TRAPPC11: variants seen among roughly 807,000 people sequenced by gnomAD.
TRAPPC11 encodes trafficking protein particle complex subunit 11.
Under a neutral mutation model 151.2 loss-of-function variants are expected in TRAPPC11, and 104 were observed. The observed-to-expected ratio is 0.69, with a 90% CI of 0.59 to 0.81. The LOEUF is 0.81. TRAPPC11 is among the 30% of genes least tolerant of loss of function. TRAPPC11 has a pLI of 0.00. For synonymous variants in TRAPPC11, 456 were observed against 472.3 expected (o/e 0.97, Z 0.45); for missense variants, 1,230 against 1,349.6 (o/e 0.91, Z 1.39).
intron 28 of TRAPPC11, among the ~76,000 whole-genome samples, chr4:183,707,817 AT>A (rs900335281): frequency 6.6e-6 from 1 of 152,060 alleles, no homozygotes; most frequent in Non-Finnish European, 1.5e-5. Flanking sequence ...GAGTGTCTTG[AT>A]TTTTTCCACG....
At chr4:183,667,027 A>G (rs1335686745) in intron 3 of TRAPPC11, 33 bp from the exon 4 acceptor site, 2 of 1,555,914 alleles carry the variant, frequency 1.3e-6, no homozygotes, top group Admixed American at 3.4e-5. Flanking sequence ...TTAAGTTAAA[A>G]TAATTAATTT....
chr4:183,697,783 G>A lies in TRAPPC11; in HGVS notation c.2799G>A (p.Gln933=). 2 of 1,613,894 alleles carry A rather than the reference G, an allele frequency of 1.2e-6. No homozygotes were observed. Among genetic ancestry groups the A allele is most frequent in the Non-Finnish European group, 1.7e-6 (2 of 1,179,996 alleles). The part of the protein sequence containing the change: ...WALTIVSSEL[Q]LAPSMTTVDQ... ...TCACTATTGTTTCCAGTGAGCTCCA[G>A]CTTGCTCCATCCATGACCACAGTGG... Residue 933 remains glutamine, a synonymous_variant, in exon 25 of 30, where the codon CAG becomes CAA. Coordinates refer to ENST00000334690, the MANE Select transcript of TRAPPC11 (RefSeq NM_021942.6).
At chr4:183,711,915 C>G (rs1737358937) in intron 29 of TRAPPC11, among the ~76,000 whole-genome samples, 1 of 152,092 alleles carries the variant, frequency 6.6e-6, no homozygotes, top group East Asian at 1.9e-4. Context: ...ATGTTGTTAA[C>G]CTGCCAGAAA....
intron 17 of TRAPPC11, 34 bp downstream of exon 17, chr4:183,685,437 G>A: frequency 6.3e-7 from 1 of 1,586,746 alleles, no homozygotes; most frequent in Non-Finnish European, 8.6e-7. Flanking sequence ...CTATTTCAGA[G>A]AAATTGTCTT....
intron 26 of TRAPPC11, among the ~76,000 whole-genome samples, chr4:183,704,026 G>A (rs891968159): frequency 3.9e-5 from 6 of 152,188 alleles, no homozygotes; most frequent in Non-Finnish European, 5.9e-5. Flanking sequence ...GTAAATCACT[G>A]CACTGTTCCT....
In TRAPPC11 at chr4:183,667,985, G is replaced by A; in HGVS notation, c.446-18G>A. On this transcript the variant is annotated intron_variant, in intron 4 of 29. Transcript: ENST00000334690. ...AGTTATTTTATTTCTCATTCATCTT[G>A]ATGGGGATTATCAACAGGAGAAGAT... The A allele has an allele frequency of 7.1e-7, 1 of 1,399,182 alleles. No individual in the cohort carries two copies. The highest frequency in any genetic ancestry group is 1.0e-6 in the Non-Finnish European group (1 of 986,106). The allele number at this position is 1,399,182 out of a possible 1,614,324, so 86.7% of individuals were successfully genotyped here.
chr4:183,704,685 C>T (rs1398340354), intron 26 of TRAPPC11, among the ~76,000 whole-genome samples: 5 of 151,808 alleles, frequency 3.3e-5, no homozygotes, highest in African/African-American at 9.7e-5. Flanking sequence ...TGGTGGCGGG[C>T]GCCTGTAGTT....
chr4:183,687,724 A>G (rs979171170), intron 18 of TRAPPC11, among the ~76,000 whole-genome samples: 6 of 152,198 alleles, frequency 3.9e-5, no homozygotes, highest in Non-Finnish European at 7.3e-5. Flanking sequence ...TTACTTCAAC[A>G]TTATTAGTTA....
chr4:183,701,608 G>T, intron 25 of TRAPPC11, 89 bp from the exon 26 acceptor site: 1 of 874,330 alleles, frequency 1.1e-6, no homozygotes, highest in Non-Finnish European at 1.9e-6. Context: ...TGGGTGAGGT[G>T]TTCTTTCTTT....
intron 1 of TRAPPC11, among the ~76,000 whole-genome samples, chr4:183,663,296 C>T (rs988974565): frequency 1.3e-5 from 2 of 151,938 alleles, no homozygotes; most frequent in East Asian, 3.9e-4. Flanking sequence ...TGCAGTGGCG[C>T]CATCTTGGCT....
At chr4:183,684,407 A>G (rs576995501) in intron 14 of TRAPPC11, 48 bp downstream of exon 14, 23 of 1,514,048 alleles carry the variant, frequency 1.5e-5, no homozygotes, top group East Asian at 2.3e-5. Flanking sequence ...GATTATCTGA[A>G]GTGAAACTGA....
intron 25 of TRAPPC11, among the ~76,000 whole-genome samples, chr4:183,699,833 G>T (rs1045661150): frequency 4.1e-5 from 6 of 144,700 alleles, no homozygotes; most frequent in African/African-American, 7.6e-5. Context: ...ATGTTAATTG[G>T]TTTTTTTTTT....
intron 5 of TRAPPC11, among the ~76,000 whole-genome samples, chr4:183,673,046 T>C (rs1735232546): frequency 6.7e-6 from 1 of 149,976 alleles, no homozygotes; most frequent in Non-Finnish European, 1.5e-5. Flanking sequence ...CATTGCAAGC[T>C]CCGTCTCCTG....
rs771526031 is a variant in TRAPPC11, at chr4:183,679,319, T to G, written c.832-34T>G. Reference sequence around the variant, plus strand: ...AATATGTCTTTTGACTTTCTTTTTTTCCTTTATTTTGGGATCAATTTTACA... The same window carrying G: ...AATATGTCTTTTGACTTTCTTTTTTGCCTTTATTTTGGGATCAATTTTACA... On this transcript the variant is annotated intron_variant, in intron 8 of 29. Coordinates refer to ENST00000334690, the MANE Select transcript of TRAPPC11 (RefSeq NM_021942.6). The G allele has an allele frequency of 3.9e-6, 6 of 1,521,478 alleles. No homozygotes were observed. The Admixed American group carries it at 7.0e-5, about 18-fold the overall frequency. The allele number at this position is 1,521,478 out of a possible 1,614,324, so 94.2% of individuals were successfully genotyped here.
rs774551949 is a variant in TRAPPC11, at chr4:183,684,771, T to C, written c.1497T>C (p.Ala499=). ...WTLLTSVLTT[A]LKCSYLMAQL... ...TGCTCACTTCTGTATTAACTACAGC[T>C]CTGAAGTGCTCCTACCTCATGGCCC... The change falls in exon 15 of 30, where the codon GCT becomes GCC. Residue 499 remains alanine (A), a synonymous_variant. Coordinates refer to ENST00000334690, the MANE Select transcript of TRAPPC11 (RefSeq NM_021942.6). 2 of 1,613,796 alleles carry C rather than the reference T, an allele frequency of 1.2e-6. No homozygotes were observed. Among genetic ancestry groups the C allele is most frequent in the Admixed American group, 3.3e-5 (2 of 60,028 alleles).
In TRAPPC11 at chr4:183,679,485, C is replaced by T. The variant is rs1483190866; in HGVS notation, c.964C>T (p.Gln322Ter). Reference protein sequence around the residue: ...SFEHDAWMSKQFQAFGDLFDE... With the variant: ...SFEHDAWMSK ...TGAGCATGATGCATGGATGTCTAAA[C>T]AGTATGTTTTACATTGTCCTTTTAG... Residue 322 changes from glutamine to a stop codon, truncating the protein, a stop_gained and splice_region_variant, in exon 9 of 30, where the codon CAA becomes TAA. Transcript: ENST00000334690. LOFTEE classifies it high-confidence loss of function. 1.9e-6 allele frequency: 3 copies of T among 1,602,846 alleles called. No individual in the cohort carries two copies. In the South Asian group the frequency reaches 3.4e-5, roughly 18 times the overall value.
Position 183,667,108 on chromosome 4 carries a change from G to A in TRAPPC11, c.423G>A (p.Gln141=), listed in dbSNP as rs1734921811. The change falls in exon 4 of 30, where the codon CAG becomes CAA. Residue 141 remains glutamine (Q), a synonymous_variant. Coordinates refer to ENST00000334690, the MANE Select transcript of TRAPPC11 (RefSeq NM_021942.6). ...RNTKVAVVLI[Q]KKTPLPPGED... is the part of the protein sequence containing the mutation. ...CAAAAGTTGCAGTGGTTCTGATTCA[G>A]AAGAAAACCCCTTTGCCCCCAGGTA... 6.2e-7 allele frequency: 1 copy of A among 1,604,852 alleles called. No individual in the cohort carries two copies. The highest frequency in any genetic ancestry group is 1.3e-5 in the African/African-American group (1 of 74,852).
At chr4:183,673,957 G>A (rs74988709) in intron 5 of TRAPPC11, among the ~76,000 whole-genome samples, 6,178 of 152,208 alleles carry the variant, frequency 0.041, 459 homozygotes, top group African/African-American at 0.14. Context: ...TTATTTGCCA[G>A]TTCTCATTTT....
At chr4:183,692,263 A>T (rs1459802520) in intron 19 of TRAPPC11, among the ~76,000 whole-genome samples, 1 of 152,146 alleles carries the variant, frequency 6.6e-6, no homozygotes, top group African/African-American at 2.4e-5. Flanking sequence ...TGGTTAGCTC[A>T]TCTAAACTTG....
Sources: gnomAD v4.1 joint callset for allele counts (sites outside exome capture counted in the v4.1 genomes callset) on GRCh38, gnomAD v4.1.1 for gene constraint, MANE v1.5 for transcripts, NCBI Gene and HGNC (gene_info 2026-07-23, HGNC 2026-07-21) for gene names.